The following MLIP variants were observed in gnomAD, a reference collection of about 807,000 sequenced individuals.
The protein encoded by MLIP is muscular LMNA interacting protein, also known as muscular LMNA-interacting protein.
In MLIP, 79 loss-of-function variants were observed where a neutral mutation model predicts 84.8. That is an observed-to-expected ratio of 0.93 (90% CI 0.78 to 1.12). The LOEUF is 1.12. MLIP is among the 50% of genes most tolerant of loss of function. The pLI, the probability that MLIP is intolerant of heterozygous loss-of-function variation, is 0.00. For missense variants in MLIP, 1,257 were observed against 1,160.6 expected (o/e 1.08, Z -1.21); for synonymous variants, 504 against 463.0 (o/e 1.09, Z -1.14).
chr6:54,080,612 GACAT>G (rs1767078072), intron 1 of MLIP, among the ~76,000 whole-genome samples: 1 of 150,970 alleles, frequency 6.6e-6, no homozygotes, highest in African/African-American at 2.4e-5. Flanking sequence ...GTGATAAAAA[GACAT>G]ACACATTTTT....
chr6:54,243,662 A>C (rs529452924), intron 12 of MLIP, among the ~76,000 whole-genome samples: 24 of 152,310 alleles, frequency 1.6e-4, no homozygotes, highest in African/African-American at 5.8e-4. Flanking sequence ...TTTGCAGAAC[A>C]GCTTAAAAGC....
intron 9 of MLIP, 47 bp downstream of exon 9, chr6:54,169,619 G>A: frequency 7.5e-7 from 1 of 1,337,956 alleles, no homozygotes; most frequent in Non-Finnish European, 1.0e-6. Flanking sequence ...ATGGGTGCCT[G>A]TGTATGCTTT....
chr6:54,249,089 G>A (rs1185119356), intron 12 of MLIP, among the ~76,000 whole-genome samples: 1 of 152,076 alleles, frequency 6.6e-6, no homozygotes, highest in Non-Finnish European at 1.5e-5. Context: ...CTCAGCTATG[G>A]CTCAGTGCAG....
At chr6:54,141,829 G>A (rs755738440) in intron 4 of MLIP, among the ~76,000 whole-genome samples, 1 of 152,176 alleles carries the variant, frequency 6.6e-6, no homozygotes, top group Non-Finnish European at 1.5e-5. Flanking sequence ...ACTTACCGAA[G>A]ACAGTCTGAA....
chr6:54,193,769 A>T (rs1411998612), intron 10 of MLIP, among the ~76,000 whole-genome samples: 1 of 152,134 alleles, frequency 6.6e-6, no homozygotes, highest in East Asian at 1.9e-4. Flanking sequence ...AGCATATTAA[A>T]AGGAGCAAGA....
chr6:54,042,250 C>T (rs1764787737), intron 1 of MLIP, among the ~76,000 whole-genome samples: 2 of 152,008 alleles, frequency 1.3e-5, no homozygotes, highest in Non-Finnish European at 2.9e-5. Context: ...GTTGTCTGGA[C>T]TAAGTTTTCC....
chr6:54,039,382 G>A (rs955495069), intron 1 of MLIP, among the ~76,000 whole-genome samples: 3 of 151,898 alleles, frequency 2.0e-5, no homozygotes, highest in Non-Finnish European at 4.4e-5. Flanking sequence ...ATTAAAATGG[G>A]TGAATGCTAC....
intron 1 of MLIP, among the ~76,000 whole-genome samples, chr6:54,056,326 C>CAG (rs1434694441): frequency 6.6e-6 from 1 of 152,144 alleles, no homozygotes; most frequent in Non-Finnish European, 1.5e-5. Flanking sequence ...ACACGCTGTA[C>CAG]AGAGGCTTGA....
upstream of MLIP, among the ~76,000 whole-genome samples, chr6:54,108,159 A>C (rs751151245): frequency 6.6e-6 from 1 of 152,198 alleles, no homozygotes; most frequent in Non-Finnish European, 1.5e-5. Flanking sequence ...GATTGTATTC[A>C]TCTATTGCAA....
In MLIP at chr6:54,169,566, C is replaced by A. The variant is rs780054321; in HGVS notation, c.2538C>A (p.Thr846=). The A allele has an allele frequency of 6.3e-7, 1 of 1,587,280 alleles. No homozygotes were observed. The highest frequency in any genetic ancestry group is 2.3e-5 in the East Asian group (1 of 43,694). ...TTLPRAAGRE[T]KYANLSSPSS... Reference sequence around the variant, plus strand: ...TTCCAAGAGCAGCTGGTCGAGAAACCAAATATGTAAGTACCTTTATAATTA... The same window carrying A: ...TTCCAAGAGCAGCTGGTCGAGAAACAAAATATGTAAGTACCTTTATAATTA... Residue 846 remains threonine (T), a synonymous_variant, in exon 9 of 14, where the codon ACC becomes ACA. Coordinates refer to ENST00000502396, the MANE Select transcript of MLIP (RefSeq NM_001281747.2).
chr6:54,151,782 C>T (rs1773471376), intron 5 of MLIP, among the ~76,000 whole-genome samples: 1 of 152,064 alleles, frequency 6.6e-6, no homozygotes, highest in Non-Finnish European at 1.5e-5. Context: ...TAATGAGAAA[C>T]CAGATTTACT....
intron 9 of MLIP, among the ~76,000 whole-genome samples, chr6:54,177,628 C>T (rs553303025): frequency 1.3e-3 from 191 of 152,256 alleles, no homozygotes; most frequent in African/African-American, 3.9e-3. Flanking sequence ...TTGTGGAAGA[C>T]AGTGTGGTGA....
intron 11 of MLIP, among the ~76,000 whole-genome samples, chr6:54,213,190 T>G (rs1440318760): frequency 6.6e-6 from 1 of 152,210 alleles, no homozygotes; most frequent in African/African-American, 2.4e-5. Context: ...AAAAAGACTC[T>G]GTATAAGAAA....
Position 54,254,175 on chromosome 6 carries a change from A to G in MLIP, c.2923-3133A>G, listed in dbSNP as rs542319736. On this transcript the variant is annotated intron_variant, in intron 12 of 13. Transcript: ENST00000502396. Reference sequence around the variant, plus strand: ...GGAGTGTTGCTCTGTCACCCAGGCTAGAGTGCAGTGGCGTGATCTTGGCTC... The same window carrying G: ...GGAGTGTTGCTCTGTCACCCAGGCTGGAGTGCAGTGGCGTGATCTTGGCTC... Among the ~76,000 whole-genome samples, 8 of 148,618 alleles carry G rather than the reference A, an allele frequency of 5.4e-5. No individual in the cohort carries two copies. The East Asian group carries it at 1.6e-3, about 29-fold the overall frequency.
At chr6:54,057,213 C>G (rs1339756079) in intron 1 of MLIP, among the ~76,000 whole-genome samples, 1 of 152,188 alleles carries the variant, frequency 6.6e-6, no homozygotes, top group Non-Finnish European at 1.5e-5. Context: ...CCACAAAACT[C>G]TGGTTCTAGC....
intron 8 of MLIP, among the ~76,000 whole-genome samples, chr6:54,166,650 A>G (rs1178008701): frequency 1.3e-5 from 2 of 151,628 alleles, no homozygotes; most frequent in African/African-American, 4.8e-5. Context: ...TAATGTTGGG[A>G]TGCTCTAGTC....
At chr6:54,109,996 T>C (rs1448138944), upstream of MLIP, among the ~76,000 whole-genome samples, 1 of 110,634 alleles carries the variant, frequency 9.0e-6, no homozygotes, top group African/African-American at 3.0e-5. Flanking sequence ...TTTTTCTTTT[T>C]TTTTTTGACG....
chr6:54,024,605 A>T (rs1309662849), intron 1 of MLIP, among the ~76,000 whole-genome samples: 1 of 152,208 alleles, frequency 6.6e-6, no homozygotes, highest in African/African-American at 2.4e-5. Flanking sequence ...GAACATACAT[A>T]ATAAAGTCCT....
intron 9 of MLIP, among the ~76,000 whole-genome samples, chr6:54,185,313 T>G (rs1777279925): frequency 6.6e-6 from 1 of 152,190 alleles, no homozygotes; most frequent in African/African-American, 2.4e-5. Context: ...ATTATGCATA[T>G]CCACTCCACA....
Sources: allele counts gnomAD v4.1 joint callset (sites outside exome capture counted in the v4.1 genomes callset), GRCh38; gene constraint gnomAD v4.1.1; transcripts MANE v1.5; gene names NCBI Gene and HGNC (gene_info 2026-07-23, HGNC 2026-07-21).